The following KCNQ1 variants were observed in gnomAD, a reference collection of about 807,000 sequenced individuals.
KCNQ1 encodes the protein potassium voltage-gated channel subfamily Q member 1, also known as potassium voltage-gated channel subfamily KQT member 1.
In KCNQ1, 49 loss-of-function variants were observed where a neutral mutation model predicts 72.4. That is an observed-to-expected ratio of 0.68 (90% CI 0.54 to 0.86). The LOEUF (loss-of-function observed/expected upper bound fraction) is 0.86, where lower values mean the gene tolerates loss of function less well. KCNQ1 is among the 40% of genes least tolerant of loss of function. KCNQ1 has a pLI of 0.00. For missense variants in KCNQ1, 790 were observed against 945.1 expected (o/e 0.84, Z 2.15); for synonymous variants, 450 against 412.6 (o/e 1.09, Z -1.10).
In KCNQ1 at chr11:2,567,363, T is replaced by A. The variant is rs892220107; in HGVS notation, c.478-3265T>A. On this transcript the variant is annotated intron_variant, in intron 2 of 15. Transcript: ENST00000155840. This position sits in a 1 kb window ranked among gnomAD's most constrained non-coding sequence, Gnocchi z 6.6. ...GAACCAGGGGGAGGCAGGCCTGCCA[T>A]TCTGTGAGCCTGCTTTAGACTGGGG... 1.3e-5 allele frequency among the ~76,000 whole-genome samples: 2 copies of A among 152,072 alleles called. No individual in the cohort carries two copies. The highest frequency in any genetic ancestry group is 2.9e-5 in the Non-Finnish European group (2 of 67,996).
chr11:2,735,389 G>A lies in KCNQ1; in HGVS notation c.1515-33455G>A, dbSNP rs116122958. ...GCCGCCCCCACCTCCCCTCCCGCAA[G>A]CTTCTCCCCTTCCTTCAGAGCCCAA... On this transcript the variant is annotated intron_variant, in intron 11 of 15. Transcript: ENST00000155840. The surrounding 1 kb of genome is among the most constrained non-coding windows in gnomAD (Gnocchi z 7.7). 1.6e-3 allele frequency among the ~76,000 whole-genome samples: 235 copies of A among 151,448 alleles called. No homozygotes were observed. Among genetic ancestry groups the A allele is most frequent in the African/African-American group, 5.4e-3 (223 of 41,234 alleles).
chr11:2,649,091 C>T, intron 10 of KCNQ1: 1 of 388,238 alleles, frequency 2.6e-6, no homozygotes, highest in Non-Finnish European at 4.5e-6. Context: ...CCCTTACAGT[C>T]TATGGGTGTC....
intron 15 of KCNQ1, among the ~76,000 whole-genome samples, chr11:2,799,241 G>T (rs1472788501): frequency 6.6e-6 from 1 of 152,254 alleles, no homozygotes; most frequent in Non-Finnish European, 1.5e-5. Flanking sequence ...CGGACCACGG[G>T]GGCGGTGGTG....
At chr11:2,571,909 G>GAGGGGC in intron 4 of KCNQ1, 104 bp from the exon 5 acceptor site, 1 of 915,436 alleles carries the variant, frequency 1.1e-6, no homozygotes, top group South Asian at 1.4e-5. Context: ...GGACGCCTGG[G>GAGGGGC]AGGGGCAGGG....
intron 2 of KCNQ1, among the ~76,000 whole-genome samples, chr11:2,529,510 T>C (rs1360928944): frequency 6.6e-6 from 1 of 152,050 alleles, no homozygotes; most frequent in Admixed American, 6.5e-5. Context: ...ATTATGTAGA[T>C]TGCAGGCAGT....
intron 2 of KCNQ1, among the ~76,000 whole-genome samples, chr11:2,557,027 C>G (rs1244076910): frequency 6.6e-6 from 1 of 152,200 alleles, no homozygotes; most frequent in South Asian, 2.1e-4. Flanking sequence ...AAGGCCGTGC[C>G]GTAGCTCTGG....
Position 2,601,221 on chromosome 11 carries a change from A to G in KCNQ1, c.1393+12367A>G, listed in dbSNP as rs1484300887. Among the ~76,000 whole-genome samples, 2 of 152,084 alleles carry G rather than the reference A, an allele frequency of 1.3e-5. No homozygotes were observed. Among genetic ancestry groups the G allele is most frequent in the East Asian group, 1.9e-4 (1 of 5,192 alleles). ...ACAGAAAGAAAAAAAAATACTGTCCAGTTGGAATGGTTACCTCATTGTGGT... is the reference window on the plus strand; with the variant it reads ...ACAGAAAGAAAAAAAAATACTGTCCGGTTGGAATGGTTACCTCATTGTGGT... On this transcript the variant is annotated intron_variant, in intron 10 of 15. Transcript: ENST00000155840. The surrounding 1 kb of genome is among the most constrained non-coding windows in gnomAD (Gnocchi z 5.2).
chr11:2,770,980 G>T (rs557780589), intron 12 of KCNQ1, among the ~76,000 whole-genome samples: 27 of 152,380 alleles, frequency 1.8e-4, no homozygotes, highest in African/African-American at 6.0e-4. Flanking sequence ...GTTCGCTGGA[G>T]AACAGCATGG....
At chr11:2,786,093 C>A (rs1846907064) in intron 15 of KCNQ1, among the ~76,000 whole-genome samples, 1 of 152,054 alleles carries the variant, frequency 6.6e-6, no homozygotes, top group African/African-American at 2.4e-5. Flanking sequence ...TCTGGGATTA[C>A]CTTTTTATGT....
rs1268173778 is a variant in KCNQ1 at position 2,471,455 on chromosome 11, C to T, written c.386+25971C>T. ...AGTGTCAAGAGACCCAGGGGACCTG[C>T]GAGATCCATCTCGCCCCACACACCA... is the stretch of plus-strand genomic sequence containing the variant. On this transcript the variant is annotated intron_variant, in intron 1 of 15. Coordinates refer to ENST00000155840, the MANE Select transcript of KCNQ1 (RefSeq NM_000218.3). The surrounding 1 kb of genome is among the most constrained non-coding windows in gnomAD (Gnocchi z 4.8). Among the ~76,000 whole-genome samples the T allele has an allele frequency of 6.6e-6, 1 of 152,226 alleles. No homozygotes were observed. Among genetic ancestry groups the T allele is most frequent in the Non-Finnish European group, 1.5e-5 (1 of 68,034 alleles).
At chr11:2,570,168 G>A (rs1403357274) in intron 2 of KCNQ1, among the ~76,000 whole-genome samples, 4 of 140,866 alleles carry the variant, frequency 2.8e-5, no homozygotes, top group Non-Finnish European at 5.9e-5. Flanking sequence ...CCAAGCTGGG[G>A]TTCCTGGTGT....
At chr11:2,718,882 G>A (rs539594430) in intron 11 of KCNQ1, among the ~76,000 whole-genome samples, 2 of 152,224 alleles carry the variant, frequency 1.3e-5, no homozygotes, top group South Asian at 2.1e-4. Flanking sequence ...GGGCCTTCAT[G>A]TCTGCACCCT....
intron 11 of KCNQ1, among the ~76,000 whole-genome samples, chr11:2,761,937 G>A (rs560781295): frequency 2.6e-5 from 4 of 152,354 alleles, no homozygotes; most frequent in African/African-American, 9.6e-5. Flanking sequence ...CACGGGGCAT[G>A]GCCCTCTGTG....
Position 2,494,968 on chromosome 11 carries a change from C to G in KCNQ1, c.387-32960C>G, listed in dbSNP as rs950415497. Among the ~76,000 whole-genome samples, 12 of 152,112 alleles carry G rather than the reference C, an allele frequency of 7.9e-5. No individual in the cohort carries two copies. The highest frequency in any genetic ancestry group is 2.9e-4 in the African/African-American group (12 of 41,410). On this transcript the variant is annotated intron_variant, in intron 1 of 15. Coordinates refer to ENST00000155840, the MANE Select transcript of KCNQ1 (RefSeq NM_000218.3). The surrounding 1 kb of genome is among the most constrained non-coding windows in gnomAD (Gnocchi z 4.6). ...AATTTGGGTGTGAATCCGTCTGGTCCTGGGCTTTTTTTGGTTGGCAGGCTA... is the reference window on the plus strand; with the variant it reads ...AATTTGGGTGTGAATCCGTCTGGTCGTGGGCTTTTTTTGGTTGGCAGGCTA...
chr11:2,563,107 T>C lies in KCNQ1; in HGVS notation c.478-7521T>C, dbSNP rs1848198159. Among the ~76,000 whole-genome samples the C allele has an allele frequency of 6.6e-6, 1 of 152,154 alleles. No individual in the cohort carries two copies. Among genetic ancestry groups the C allele is most frequent in the African/African-American group, 2.4e-5 (1 of 41,436 alleles). On this transcript the variant is annotated intron_variant, in intron 2 of 15. Coordinates refer to ENST00000155840, the MANE Select transcript of KCNQ1 (RefSeq NM_000218.3). The surrounding 1 kb of genome is among the most constrained non-coding windows in gnomAD (Gnocchi z 7.4). ...CTGCCCTGTGATCTTTCCCACGTGA[T>C]TGATTGACACAGGGACCTTCTCTAG...
rs184730672 is a variant in KCNQ1 at position 2,486,161 on chromosome 11, A to C, written c.386+40677A>C. Among the ~76,000 whole-genome samples, 112 of 152,230 alleles carry C rather than the reference A, an allele frequency of 7.4e-4. No individual in the cohort carries two copies. Among genetic ancestry groups the C allele is most frequent in the African/African-American group, 2.7e-3 (111 of 41,540 alleles). On this transcript the variant is annotated intron_variant, in intron 1 of 15. Transcript: ENST00000155840. The surrounding 1 kb of genome is among the most constrained non-coding windows in gnomAD (Gnocchi z 5.0). ...CTACCACATCCTCACCAACACTTGT[A>C]ATTTCTGGGGTTTTTTAATAGTAGC... is the stretch of plus-strand genomic sequence containing the variant.
chr11:2,740,762 C>T (rs989605635), intron 11 of KCNQ1, among the ~76,000 whole-genome samples: 1 of 152,242 alleles, frequency 6.6e-6, no homozygotes, highest in African/African-American at 2.4e-5. Context: ...CCTTCACCCT[C>T]AAAGGCGGCT....
rs1202660249 is a variant in KCNQ1, at chr11:2,642,956, TTATA to T, written c.1394-19004_1394-19001del. The T allele has an allele frequency of 5.0e-6, 2 of 397,872 alleles. No homozygotes were observed. The highest frequency in any genetic ancestry group is 4.1e-5 in the African/African-American group (2 of 48,616). The allele number at this position is 397,872 out of a possible 1,614,324, so 24.6% of individuals were successfully genotyped here. Reference sequence around the variant, plus strand: ...CAGGAACATGTTAATTTCCATTTATTTATACAGTTTTGAATGCTCCTCTTATTTA... The same window carrying T: ...CAGGAACATGTTAATTTCCATTTATTCAGTTTTGAATGCTCCTCTTATTTA... On this transcript the variant is annotated intron_variant, in intron 10 of 15. Transcript: ENST00000155840. The surrounding 1 kb of genome is among the most constrained non-coding windows in gnomAD (Gnocchi z 4.3).
rs1345299605 is a variant in KCNQ1 at position 2,600,696 on chromosome 11, AT to A, written c.1393+11848del. ...TTGCCATGACAATGTCCTTTGTGGC[AT>A]TTTTTCCTCCACTGCAAGATCCAGT... On this transcript the variant is annotated intron_variant, in intron 10 of 15. Transcript: ENST00000155840. The surrounding 1 kb of genome is among the most constrained non-coding windows in gnomAD (Gnocchi z 5.6). 1.3e-5 allele frequency among the ~76,000 whole-genome samples: 2 copies of A among 152,088 alleles called. No individual in the cohort carries two copies. Among genetic ancestry groups the A allele is most frequent in the African/African-American group, 4.8e-5 (2 of 41,404 alleles).
Sources: gnomAD v4.1 joint callset for allele counts (sites outside exome capture counted in the v4.1 genomes callset) on GRCh38, gnomAD v4.1.1 for gene constraint, Gnocchi (gnomAD v3.1) non-coding constraint, MANE v1.5 for transcripts, NCBI Gene and HGNC (gene_info 2026-07-23, HGNC 2026-07-21) for gene names.